Variants in SLIT3 observed in about 807,000 individuals in gnomAD.
SLIT3 encodes the protein slit guidance ligand 3, also known as slit homolog 3 protein.
In SLIT3, 68 loss-of-function variants were observed where a neutral mutation model predicts 184.0. The observed-to-expected ratio is 0.37, with a 90% CI of 0.30 to 0.45. SLIT3 has a LOEUF of 0.45. SLIT3 is among the 20% of genes least tolerant of loss of function. SLIT3 has a pLI of 1.00. For missense variants in SLIT3, 1,707 were observed against 2,026.0 expected (o/e 0.84, Z 3.02); for synonymous variants, 831 against 828.6 (o/e 1.00, Z -0.05).
At chr5:169,146,282 C>T (rs867728935) in intron 4 of SLIT3, among the ~76,000 whole-genome samples, 10 of 152,238 alleles carry the variant, frequency 6.6e-5, no homozygotes, top group African/African-American at 2.4e-4. Flanking sequence ...TTCTTAACCG[C>T]AAAACGTATT....
intron 4 of SLIT3, among the ~76,000 whole-genome samples, chr5:169,033,079 C>G (rs1321237664): frequency 1.3e-5 from 2 of 151,922 alleles, no homozygotes; most frequent in Non-Finnish European, 2.9e-5. Context: ...TAATACAGAC[C>G]TCCATCTCCC....
chr5:168,856,800 T>TGC (rs1328584244), intron 5 of SLIT3, among the ~76,000 whole-genome samples: 150 of 141,528 alleles, frequency 1.1e-3, no homozygotes, highest in African/African-American at 4.2e-3. Flanking sequence ...TGTGTGTGTG[T>TGC]GTGTGTGCGC....
intron 4 of SLIT3, among the ~76,000 whole-genome samples, chr5:169,149,135 C>T (rs1762031438): frequency 6.6e-6 from 1 of 152,150 alleles, no homozygotes; most frequent in South Asian, 2.1e-4. Context: ...GTCCGATCTC[C>T]TAAAACAGAA....
At chr5:168,802,773 T>C (rs1337738926) in intron 9 of SLIT3, among the ~76,000 whole-genome samples, 1 of 152,236 alleles carries the variant, frequency 6.6e-6, no homozygotes, top group Admixed American at 6.5e-5. Flanking sequence ...TAGTTGCCAG[T>C]ATGAACTAAC....
chr5:168,837,080 G>A (rs1281062689), intron 6 of SLIT3, among the ~76,000 whole-genome samples: 2 of 152,180 alleles, frequency 1.3e-5, no homozygotes, highest in African/African-American at 4.8e-5. Context: ...AGAAGGAGGT[G>A]TGTGTTGAGT....
At chr5:169,092,928 A>C (rs1759645137) in intron 4 of SLIT3, among the ~76,000 whole-genome samples, 1 of 152,198 alleles carries the variant, frequency 6.6e-6, no homozygotes, top group African/African-American at 2.4e-5. Context: ...CCTGATACAG[A>C]GTGTGTAGCG....
At chr5:168,667,921 G>T (rs562292098) in intron 35 of SLIT3, among the ~76,000 whole-genome samples, 5 of 152,192 alleles carry the variant, frequency 3.3e-5, no homozygotes, top group Admixed American at 6.5e-5. Flanking sequence ...AATGACTGGG[G>T]TGAAGGGATT....
At chr5:168,945,872 T>C (rs1027916076) in intron 4 of SLIT3, among the ~76,000 whole-genome samples, 3 of 152,230 alleles carry the variant, frequency 2.0e-5, no homozygotes, top group Non-Finnish European at 2.9e-5. Context: ...TATCTCTTGA[T>C]TTGTTCTAAT....
intron 4 of SLIT3, among the ~76,000 whole-genome samples, chr5:169,014,054 T>C (rs547306997): frequency 1.3e-5 from 2 of 151,968 alleles, no homozygotes; most frequent in East Asian, 3.9e-4. Flanking sequence ...CTGCCTGGTA[T>C]TACAGAGAAG....
At chr5:169,025,898 C>T (rs957239544) in intron 4 of SLIT3, among the ~76,000 whole-genome samples, 13 of 152,150 alleles carry the variant, frequency 8.5e-5, no homozygotes, top group African/African-American at 1.9e-4. Flanking sequence ...CCCCTAGTTC[C>T]GCCTTTATAC....
intron 6 of SLIT3, among the ~76,000 whole-genome samples, chr5:168,840,136 C>T (rs903471864): frequency 9.2e-5 from 14 of 152,162 alleles, no homozygotes; most frequent in Admixed American, 2.6e-4. Context: ...CAGCACACGC[C>T]GGTTATCTAT....
chr5:168,946,880 C>T (rs1400830940), intron 4 of SLIT3, among the ~76,000 whole-genome samples: 1 of 152,216 alleles, frequency 6.6e-6, no homozygotes, highest in Non-Finnish European at 1.5e-5. Context: ...ATTTGCAAAG[C>T]CTTTTATCAG....
intron 4 of SLIT3, among the ~76,000 whole-genome samples, chr5:168,967,650 C>T (rs953143049): frequency 3.6e-5 from 5 of 139,260 alleles, no homozygotes; most frequent in Non-Finnish European, 6.6e-5. Context: ...CCGTTTTAGC[C>T]GGGATGGTCT....
chr5:169,189,572 A>ATG (rs1561725907), intron 4 of SLIT3, among the ~76,000 whole-genome samples: 10 of 90,572 alleles, frequency 1.1e-4, no homozygotes, highest in African/African-American at 4.5e-4. Context: ...ATATATATAT[A>ATG]TATATATGCA....
intron 29 of SLIT3, among the ~76,000 whole-genome samples, chr5:168,690,562 A>G (rs1433027713): frequency 1.3e-5 from 2 of 152,094 alleles, no homozygotes; most frequent in Non-Finnish European, 1.5e-5. Context: ...TTGCCCCTTC[A>G]TTCTTCCCTG....
chr5:169,211,553 T>C (rs1325316515), intron 3 of SLIT3, among the ~76,000 whole-genome samples: 1 of 152,188 alleles, frequency 6.6e-6, no homozygotes, highest in African/African-American at 2.4e-5. Context: ...CCATGTGGCT[T>C]TACCTGCTAC....
intron 4 of SLIT3, among the ~76,000 whole-genome samples, chr5:168,977,694 C>A (rs1190690645): frequency 1.3e-5 from 2 of 152,164 alleles, no homozygotes; most frequent in Non-Finnish European, 2.9e-5. Flanking sequence ...TGTTTTTCAA[C>A]CTTCCCTTTG....
At chr5:169,165,993 T>A (rs74333158) in intron 4 of SLIT3, among the ~76,000 whole-genome samples, 4,576 of 152,288 alleles carry the variant, frequency 0.03, 91 homozygotes, top group South Asian at 0.095. Context: ...AGGTAGGCAC[T>A]ATTCATATCA....
chr5:168,826,077 T>C (rs1716519864), intron 6 of SLIT3, among the ~76,000 whole-genome samples: 1 of 152,258 alleles, frequency 6.6e-6, no homozygotes, highest in Non-Finnish European at 1.5e-5. Flanking sequence ...AGCCTGGCTC[T>C]AATTTAGCTG....
Sources: gnomAD v4.1 joint callset for allele counts (sites outside exome capture counted in the v4.1 genomes callset) on GRCh38, gnomAD v4.1.1 for gene constraint, MANE v1.5 for transcripts, NCBI Gene and HGNC (gene_info 2026-07-23, HGNC 2026-07-21) for gene names.